HERC5: variants seen among roughly 807,000 people sequenced by gnomAD.
HERC5 encodes the protein HECT and RLD domain containing E3 ubiquitin protein ligase 5.
In HERC5, 99 loss-of-function variants were observed where a neutral mutation model predicts 119.6. The observed-to-expected ratio is 0.83, with a 90% CI of 0.70 to 0.98. HERC5 has a LOEUF of 0.98. Among genes scored for constraint, HERC5 ranks in the 50% least tolerant of loss-of-function variants. The pLI, the probability that HERC5 is intolerant of heterozygous loss-of-function variation, is 0.00. For synonymous variants in HERC5, 478 were observed against 445.9 expected (o/e 1.07, Z -0.91); for missense variants, 1,267 against 1,241.3 (o/e 1.02, Z -0.31).
chr4:88,463,213 TA>T (rs1740512642), intron 4 of HERC5, among the ~76,000 whole-genome samples: 1 of 152,216 alleles, frequency 6.6e-6, no homozygotes, highest in Non-Finnish European at 1.5e-5. Context: ...CTATGTTCAT[TA>T]AAAGTAATTC....
rs753695435 is a variant in HERC5 at position 88,504,609 on chromosome 4, A to G, written c.2869+12A>G. Reference sequence around the variant, plus strand: ...GAAAAAATTCCTTGGTAAGTATTATATCAAGGAATAGATCTGTAATCGTAT... The same window carrying G: ...GAAAAAATTCCTTGGTAAGTATTATGTCAAGGAATAGATCTGTAATCGTAT... On this transcript the variant is annotated intron_variant, in intron 22 of 22. Transcript: ENST00000264350. The G allele has an allele frequency of 1.4e-6, 2 of 1,462,014 alleles. No homozygotes were observed. Among genetic ancestry groups the G allele is most frequent in the African/African-American group, 1.4e-5 (1 of 70,344 alleles). 90.6% of individuals were successfully genotyped at this position (1,462,014 alleles called of 1,614,324 possible).
Position 88,479,498 on chromosome 4 carries a change from G to A in HERC5, c.1728G>A (p.Lys576=), listed in dbSNP as rs772506916. The A allele has an allele frequency of 1.3e-6, 2 of 1,598,998 alleles. No individual in the cohort carries two copies. Among genetic ancestry groups the A allele is most frequent in the Non-Finnish European group, 1.7e-6 (2 of 1,175,314 alleles). ...AAGCTCTCCTAGAAATGTTGAAGAA[G>A]CTGCACAGGGTAAGAGTTCCTTTAG... ...NVQALLEMLK[K]LHRVNQVKCQ... Residue 576 remains lysine, a synonymous_variant, in exon 13 of 23, where the codon AAG becomes AAA. Transcript: ENST00000264350.
chr4:88,499,923 T>A lies in HERC5; in HGVS notation c.2445-3T>A, dbSNP rs775648873. 6.3e-7 allele frequency: 1 copy of A among 1,598,160 alleles called. No homozygotes were observed. Among genetic ancestry groups the A allele is most frequent in the Non-Finnish European group, 8.6e-7 (1 of 1,166,540 alleles). ...TTTAAAAGCAAGATTATTTTTTCCT[T>A]AGGAATTTGCAAACACTTCTGGATG... On this transcript the variant is annotated splice_region_variant and splice_polypyrimidine_tract_variant and intron_variant, in intron 18 of 22. Transcript: ENST00000264350.
intron 10 of HERC5, among the ~76,000 whole-genome samples, chr4:88,471,897 C>T (rs77711968): frequency 0.028 from 4,316 of 151,876 alleles, 110 homozygotes; most frequent in East Asian, 0.099. Context: ...TTCCTTCCTT[C>T]GAAAAACCTT....
At chr4:88,492,482 G>A (rs1031867446) in intron 16 of HERC5, among the ~76,000 whole-genome samples, 5 of 151,820 alleles carry the variant, frequency 3.3e-5, no homozygotes, top group Non-Finnish European at 7.4e-5. Context: ...GGTGGCTCAT[G>A]GCTGTAATCT....
chr4:88,469,342 A>AT, intron 9 of HERC5, 82 bp downstream of exon 9: 1 of 905,594 alleles, frequency 1.1e-6, no homozygotes. Flanking sequence ...GCAATATGAG[A>AT]TTTTGTAGTC....
intron 13 of HERC5, among the ~76,000 whole-genome samples, chr4:88,485,817 C>T (rs1490679310): frequency 1.3e-5 from 2 of 151,408 alleles, no homozygotes; most frequent in Non-Finnish European, 2.9e-5. Context: ...CCCCAGAGTA[C>T]TTTGGGATAT....
chr4:88,494,469 A>T (rs756696421), intron 18 of HERC5, 138 bp downstream of exon 18: 1 of 721,046 alleles, frequency 1.4e-6, no homozygotes, highest in Non-Finnish European at 2.3e-6. Flanking sequence ...CTTTGACAAG[A>T]ATTGTTGGAT....
intron 4 of HERC5, 119 bp from the exon 5 acceptor site, chr4:88,463,409 CCTTT>C: frequency 3.1e-6 from 2 of 645,010 alleles, no homozygotes; most frequent in Non-Finnish European, 5.5e-6. Context: ...CAACATAGAG[CCTTT>C]CTTGTCAGAA....
At chr4:88,497,077 T>A (rs1741815505) in intron 18 of HERC5, among the ~76,000 whole-genome samples, 1 of 152,168 alleles carries the variant, frequency 6.6e-6, no homozygotes, top group Non-Finnish European at 1.5e-5. Context: ...CTTCCAAGCC[T>A]CCAGAACCGT....
In HERC5 at chr4:88,505,687, A is replaced by G. The variant is rs1233352770; in HGVS notation, c.2884A>G (p.Thr962Ala). 1 of 1,562,606 alleles carries G rather than the reference A, an allele frequency of 6.4e-7. No homozygotes were observed. The highest frequency in any genetic ancestry group is 8.8e-7 in the Non-Finnish European group (1 of 1,136,924). Residue 962 changes from threonine (T) to alanine (A), a missense_variant, in exon 23 of 23, where the codon ACT (threonine) becomes GCT (alanine). Transcript: ENST00000264350. ...KKKFLVFLTG[T>A]DRLQMKDLNN... Reference sequence around the variant, plus strand: ...CTTCTTTTTAGTATTTCTTACAGGAACTGACAGACTACAAATGAAAGATTT... The same window carrying G: ...CTTCTTTTTAGTATTTCTTACAGGAGCTGACAGACTACAAATGAAAGATTT...
intron 9 of HERC5, among the ~76,000 whole-genome samples, chr4:88,469,645 T>G (rs1740797683): frequency 6.6e-6 from 1 of 152,240 alleles, no homozygotes; most frequent in African/African-American, 2.4e-5. Context: ...GGCCTTCAAC[T>G]GGATGAGGCT....
chr4:88,467,935 A>G lies in HERC5; in HGVS notation c.1058-411A>G. ...GAACAGAGTTATTTCCTTAAGCAGC[A>G]TGTATTATCTTTGATTCCTTATAAC... is the stretch of plus-strand genomic sequence containing the variant. On this transcript the variant is annotated intron_variant, in intron 7 of 22. Transcript: ENST00000264350. 6.3e-6 allele frequency: 6 copies of G among 950,632 alleles called. No homozygotes were observed. The South Asian group carries it at 1.5e-4, about 23-fold the overall frequency. 58.9% of individuals were successfully genotyped at this position (950,632 alleles called of 1,614,324 possible). A position where few individuals can be genotyped will look rare whatever the true frequency, so the allele number is the denominator to read the frequency against.
chr4:88,460,832 A>G (rs990824454), intron 3 of HERC5, among the ~76,000 whole-genome samples: 3 of 152,068 alleles, frequency 2.0e-5, no homozygotes, highest in Non-Finnish European at 2.9e-5. Flanking sequence ...TTACAAAAAA[A>G]CTTAAAAATT....
chr4:88,491,699 G>A (rs536574607), intron 16 of HERC5, among the ~76,000 whole-genome samples: 1 of 152,248 alleles, frequency 6.6e-6, no homozygotes, highest in East Asian at 1.9e-4. Context: ...TTGGAAGTTG[G>A]CGTATATCTC....
At chr4:88,467,956 A>G (rs969203448) in intron 7 of HERC5, 1 of 815,398 alleles carries the variant, frequency 1.2e-6, no homozygotes, top group Middle Eastern at 6.4e-4. Context: ...TTGATTCCTT[A>G]TAACAGTTAC....
chr4:88,477,564 AGGGAG>A (rs1242997510), intron 12 of HERC5, among the ~76,000 whole-genome samples: 2 of 54,482 alleles, frequency 3.7e-5, no homozygotes, highest in Non-Finnish European at 6.8e-5. Flanking sequence ...GGGAAGGGGA[AGGGAG>A]GGGAGGGGAT....
intron 18 of HERC5, among the ~76,000 whole-genome samples, chr4:88,498,946 C>A (rs1741874740): frequency 6.6e-6 from 1 of 152,118 alleles, no homozygotes; most frequent in African/African-American, 2.4e-5. Flanking sequence ...ACCGCCTTCC[C>A]CACAAAAACA....
chr4:88,496,817 G>A (rs1376646261), intron 18 of HERC5, among the ~76,000 whole-genome samples: 1 of 152,170 alleles, frequency 6.6e-6, no homozygotes, highest in Non-Finnish European at 1.5e-5. Flanking sequence ...TCAAGAGGGT[G>A]TTAGAAAAAT....
Sources: gnomAD v4.1 joint callset for allele counts (sites outside exome capture counted in the v4.1 genomes callset) on GRCh38, gnomAD v4.1.1 for gene constraint, MANE v1.5 for transcripts, NCBI Gene and HGNC (gene_info 2026-07-23, HGNC 2026-07-21) for gene names.